Variants in SIN3A observed in about 807,000 individuals in gnomAD.
SIN3A encodes the protein SIN3 transcription regulator family member A.
Under a neutral mutation model 146.1 loss-of-function variants are expected in SIN3A, and 14 were observed. The ratio of observed to expected loss-of-function variants is 0.10; its 90% CI spans 0.06 to 0.15. The LOEUF (loss-of-function observed/expected upper bound fraction) is 0.15. Ranked by LOEUF, SIN3A falls within the 10% of genes least tolerant of loss-of-function variation. The pLI is 1.00. For missense variants in SIN3A, 1,028 were observed against 1,576.0 expected, an observed-to-expected ratio of 0.65 and a Z score of 5.89; for synonymous variants, 572 against 572.0, an observed-to-expected ratio of 1.00 and a Z score of 0.00.
chr15:75,388,779 CA>C, intron 16 of SIN3A: 2 of 152,920 alleles, frequency 1.3e-5, no homozygotes. Flanking sequence ...GGCATATGGG[CA>C]AAAAGGGCCA....
At position 75,411,663 on chromosome 15, in the gene SIN3A, C is replaced by T. The variant is rs535260527; in HGVS notation, c.837G>A (p.Pro279=). 2.6e-5 allele frequency: 42 copies of T among 1,613,974 alleles called. No individual in the cohort carries two copies. The highest frequency in any genetic ancestry group is 1.2e-4 in the Admixed American group (7 of 60,002). Residue 279 remains proline (P), a synonymous_variant, in exon 6 of 21, where the codon CCG becomes CCA. Coordinates refer to ENST00000394947, the MANE Select transcript of SIN3A (RefSeq NM_001145358.2). ...TTGTCACTGGTGTGTGAGGCTGGAC[C>T]GGCGGAGAACGTGGGGATGCATACG... The part of the protein sequence containing the change: ...LPPYASPRSP[P]VQPHTPVTIS...
Position 75,371,559 on chromosome 15 carries a change from C to T in SIN3A, c.*420G>A. Reference sequence around the variant, plus strand: ...AGTGACCATGATAGTTCCAATCCATCTGAGTATTAAGTCCTTCTCCAGTCT... The same window carrying T: ...AGTGACCATGATAGTTCCAATCCATTTGAGTATTAAGTCCTTCTCCAGTCT... On this transcript the variant is annotated 3_prime_UTR_variant, in exon 21 of 21. Transcript: ENST00000394947. The T allele has an allele frequency of 6.0e-6, 1 of 165,622 alleles. No homozygotes were observed. Among genetic ancestry groups the T allele is most frequent in the Non-Finnish European group, 1.3e-5 (1 of 77,022 alleles). 10.3% of individuals were successfully genotyped at this position (165,622 alleles called of 1,614,324 possible). A position where few individuals can be genotyped will look rare whatever the true frequency, so the allele number is the denominator to read the frequency against.
At chr15:75,421,675 T>C (rs886345692) in intron 3 of SIN3A, 4 of 152,242 alleles carry the variant, frequency 2.6e-5, no homozygotes, top group African/African-American at 7.2e-5. Context: ...CATAAGTAGG[T>C]TGCAATAACC....
At chr15:75,407,520 G>C (rs1056414955) in intron 8 of SIN3A, among the ~76,000 whole-genome samples, 3 of 152,084 alleles carry the variant, frequency 2.0e-5, no homozygotes, top group Admixed American at 6.5e-5. Flanking sequence ...GGGAGAAAAG[G>C]CTGTTTGTAA....
At chr15:75,381,306 T>C (rs2072962693) in intron 18 of SIN3A, among the ~76,000 whole-genome samples, 1 of 152,066 alleles carries the variant, frequency 6.6e-6, no homozygotes, top group African/African-American at 2.4e-5. Flanking sequence ...AGAATCAAGA[T>C]GACATGAGAA....
At chr15:75,374,909 C>T (rs1368195885) in intron 20 of SIN3A, among the ~76,000 whole-genome samples, 1 of 152,174 alleles carries the variant, frequency 6.6e-6, no homozygotes, top group African/African-American at 2.4e-5. Flanking sequence ...ATTACTTCAT[C>T]TGCTCTACTT....
intron 14 of SIN3A, 37 bp from the exon 15 acceptor site, chr15:75,392,852 G>A (rs2073233321): frequency 2.1e-6 from 3 of 1,430,186 alleles, no homozygotes; most frequent in Admixed American, 1.8e-5. Context: ...TCTGTGAGAT[G>A]TCTACAGCGA....
intron 1 of SIN3A, among the ~76,000 whole-genome samples, chr15:75,436,950 AG>A (rs2074118230): frequency 6.6e-6 from 1 of 152,246 alleles, no homozygotes; most frequent in African/African-American, 2.4e-5. Context: ...AAATTAAAAT[AG>A]TAAGTTTAGA....
At chr15:75,376,061 G>C in intron 19 of SIN3A, 189 bp from the exon 20 acceptor site, 1 of 617,274 alleles carries the variant, frequency 1.6e-6, no homozygotes, top group South Asian at 2.0e-5. Flanking sequence ...ATAAAAAGCA[G>C]AAATCTTCAC....
rs531270841 is a variant in SIN3A, at chr15:75,439,870, G to A, written c.-33-9462C>T. On this transcript the variant is annotated intron_variant, in intron 1 of 20. Transcript: ENST00000394947. Reference sequence around the variant, plus strand: ...TAAATCTGTAAAAATTAAAAATAACGCCAAGTGTGGTGGCTCACGCCTGTA... The same window carrying A: ...TAAATCTGTAAAAATTAAAAATAACACCAAGTGTGGTGGCTCACGCCTGTA... Among the ~76,000 whole-genome samples the A allele has an allele frequency of 6.6e-5, 10 of 151,770 alleles. No homozygotes were observed. In the South Asian group the frequency reaches 1.9e-3, roughly 28 times the overall value.
intron 1 of SIN3A, among the ~76,000 whole-genome samples, chr15:75,440,734 G>T (rs142693258): frequency 8.9e-4 from 135 of 152,160 alleles, no homozygotes; most frequent in African/African-American, 3.2e-3. Flanking sequence ...TGTAATCCCA[G>T]CACTTTGGAA....
chr15:75,398,668 ACT>A (rs535378320), intron 12 of SIN3A, among the ~76,000 whole-genome samples: 46 of 151,484 alleles, frequency 3.0e-4, no homozygotes, highest in Admixed American at 1.6e-3. Context: ...ACAGAGCAAT[ACT>A]CTGTCTTTAA....
chr15:75,394,944 G>T (rs2141434217), intron 13 of SIN3A, 81 bp from the exon 14 acceptor site: 1 of 1,337,978 alleles, frequency 7.5e-7, no homozygotes, highest in Non-Finnish European at 1.0e-6. Context: ...GCTTACTTTA[G>T]TTAAAGAAAG....
Position 75,425,298 on chromosome 15 carries a change from G to C in SIN3A, c.190-2475C>G, listed in dbSNP as rs368395852. Among the ~76,000 whole-genome samples, 25 of 152,310 alleles carry C rather than the reference G, an allele frequency of 1.6e-4. No homozygotes were observed. In the East Asian group the frequency reaches 3.1e-3, roughly 19 times the overall value. ...CGATTCTCCTGCCTTAGCCTCCTGA[G>C]TAGCTGGGATTACAGGTGCCTGCCA... On this transcript the variant is annotated intron_variant, in intron 2 of 20. Transcript: ENST00000394947.
chr15:75,374,875 T>C (rs2072823280), intron 20 of SIN3A, among the ~76,000 whole-genome samples: 1 of 152,214 alleles, frequency 6.6e-6, no homozygotes, highest in Admixed American at 6.5e-5. Context: ...CCTGATTTGT[T>C]TCCCTGGTAG....
intron 1 of SIN3A, among the ~76,000 whole-genome samples, chr15:75,445,844 T>C (rs970093480): frequency 2.0e-5 from 3 of 150,882 alleles, no homozygotes. Flanking sequence ...AAAGGACAGG[T>C]GGAAGTGTCA....
At chr15:75,385,341 T>C (rs1595890733) in intron 16 of SIN3A, among the ~76,000 whole-genome samples, 1 of 152,244 alleles carries the variant, frequency 6.6e-6, no homozygotes, top group East Asian at 1.9e-4. Context: ...AGCCCAATAC[T>C]TTTCCAAACA....
chr15:75,374,762 A>G (rs993008352), intron 20 of SIN3A, among the ~76,000 whole-genome samples: 1 of 152,192 alleles, frequency 6.6e-6, no homozygotes, highest in Non-Finnish European at 1.5e-5. Flanking sequence ...ACTCTTCACC[A>G]GGCTAATTCC....
At chr15:75,411,830 A>T in intron 5 of SIN3A, 87 bp from the exon 6 acceptor site, 1 of 1,396,050 alleles carries the variant, frequency 7.2e-7, no homozygotes, top group Non-Finnish European at 9.7e-7. Flanking sequence ...ACAAGGTGTC[A>T]ACGTATATCC....
Sources: allele counts gnomAD v4.1 joint callset (sites outside exome capture counted in the v4.1 genomes callset), GRCh38; gene constraint gnomAD v4.1.1; transcripts MANE v1.5; gene names NCBI Gene and HGNC (gene_info 2026-07-23, HGNC 2026-07-21).